CTNNA3: variants seen among roughly 807,000 people sequenced by gnomAD.
CTNNA3 encodes the protein catenin alpha-3.
CTNNA3 carries 76 observed loss-of-function variants against 95.7 expected under a neutral mutation model. The observed-to-expected ratio is 0.79, with a 90% CI of 0.66 to 0.96. The LOEUF is 0.96. Among genes scored for constraint, CTNNA3 ranks in the 40% least tolerant of loss-of-function variants. The pLI is 0.00. For synonymous variants in CTNNA3, 431 were observed against 374.4 expected, an observed-to-expected ratio of 1.15 and a Z score of -1.74; for missense variants, 1,191 against 1,089.8, an observed-to-expected ratio of 1.09 and a Z score of -1.31.
At chr10:66,740,111 TTA>T (rs752543525) in intron 9 of CTNNA3, among the ~76,000 whole-genome samples, 38 of 152,216 alleles carry the variant, frequency 2.5e-4, no homozygotes, top group Non-Finnish European at 4.0e-4. Context: ...CTTTGAGTTA[TTA>T]AACAAGAGCG....
chr10:67,066,089 A>G (rs992026963), intron 7 of CTNNA3, among the ~76,000 whole-genome samples: 1 of 152,024 alleles, frequency 6.6e-6, no homozygotes, highest in Non-Finnish European at 1.5e-5. Flanking sequence ...AGTTCTCTCA[A>G]TCATCTGGGG....
At chr10:66,222,588 A>ACG (rs1554895382) in intron 13 of CTNNA3, among the ~76,000 whole-genome samples, 4 of 127,676 alleles carry the variant, frequency 3.1e-5, no homozygotes, top group East Asian at 2.4e-4. Context: ...GAAGGAAAGA[A>ACG]AAAGAAAGAA....
At chr10:66,592,200 T>A (rs975319205) in intron 10 of CTNNA3, among the ~76,000 whole-genome samples, 2 of 152,048 alleles carry the variant, frequency 1.3e-5, no homozygotes, top group Admixed American at 6.6e-5. Context: ...AGATATCTGG[T>A]TTTTCAACAG....
intron 7 of CTNNA3, among the ~76,000 whole-genome samples, chr10:67,123,930 T>A (rs148426375): frequency 2.6e-5 from 4 of 152,232 alleles, no homozygotes; most frequent in East Asian, 1.9e-4. Context: ...AAAACTAGAA[T>A]CTAGCATCAA....
chr10:66,557,353 A>T (rs970975124), intron 10 of CTNNA3, among the ~76,000 whole-genome samples: 2 of 152,160 alleles, frequency 1.3e-5, no homozygotes, highest in Admixed American at 1.3e-4. Flanking sequence ...AATGACCATT[A>T]TCAATTTCCC....
intron 15 of CTNNA3, among the ~76,000 whole-genome samples, chr10:66,044,422 A>AT (rs71035108): frequency 0.14 from 20,015 of 147,250 alleles, 1,340 homozygotes; most frequent in East Asian, 0.18. Context: ...GTTTATCTTG[A>AT]TTTTTTTTTT....
At chr10:67,064,098 C>T (rs946772828) in intron 7 of CTNNA3, among the ~76,000 whole-genome samples, 1 of 152,082 alleles carries the variant, frequency 6.6e-6, no homozygotes, top group African/African-American at 2.4e-5. Context: ...TCTAGTTAGC[C>T]CTTGAGTCAT....
intron 11 of CTNNA3, among the ~76,000 whole-genome samples, chr10:66,419,196 T>C (rs185233551): frequency 1.8e-4 from 27 of 152,130 alleles, no homozygotes; most frequent in Middle Eastern, 3.4e-3. Context: ...AAAATCAACA[T>C]TTTTTTAAAG....
chr10:67,234,648 G>A (rs1441402514), intron 5 of CTNNA3, among the ~76,000 whole-genome samples: 1 of 151,666 alleles, frequency 6.6e-6, no homozygotes, highest in East Asian at 1.9e-4. Flanking sequence ...ACATAGTGTT[G>A]GAAGTTCTGG....
At chr10:66,215,573 C>T (rs1199173465) in intron 13 of CTNNA3, among the ~76,000 whole-genome samples, 1 of 152,112 alleles carries the variant, frequency 6.6e-6, no homozygotes, top group Non-Finnish European at 1.5e-5. Context: ...AGTGTCATTA[C>T]TCAAAATTTA....
chr10:66,773,686 T>C (rs1293433505), intron 8 of CTNNA3, among the ~76,000 whole-genome samples: 1 of 152,210 alleles, frequency 6.6e-6, no homozygotes, highest in Non-Finnish European at 1.5e-5. Context: ...TGTTAAACAC[T>C]GATAGAAAAT....
chr10:66,214,216 A>G lies in CTNNA3; in HGVS notation c.1884+66254T>C, dbSNP rs537687775. 5.3e-5 allele frequency among the ~76,000 whole-genome samples: 8 copies of G among 152,304 alleles called. No individual in the cohort carries two copies. The South Asian group carries it at 1.5e-3, about 28-fold the overall frequency. On this transcript the variant is annotated intron_variant, in intron 13 of 17. Coordinates refer to ENST00000433211, the MANE Select transcript of CTNNA3 (RefSeq NM_013266.4). ...TACCCTTCCCTGCTAAACAAAGGAA[A>G]AGGTGCCCATTGAAATCTGCAGCAT...
chr10:66,269,772 A>G (rs982609443), intron 13 of CTNNA3, among the ~76,000 whole-genome samples: 3 of 152,144 alleles, frequency 2.0e-5, no homozygotes, highest in Non-Finnish European at 2.9e-5. Context: ...CCACTAATAC[A>G]TACACTAAGA....
At chr10:66,668,424 G>A (rs7905956) in intron 9 of CTNNA3, among the ~76,000 whole-genome samples, 999 of 39,558 alleles carry the variant, frequency 0.025, 7 homozygotes, top group African/African-American at 0.14. Flanking sequence ...ACTCTCATAT[G>A]TGTGTGTGTG....
At chr10:67,738,209 T>C (rs894566017) in intron 1 of CTNNA3, among the ~76,000 whole-genome samples, 1 of 152,124 alleles carries the variant, frequency 6.6e-6, no homozygotes, top group South Asian at 2.1e-4. Flanking sequence ...GGTGTCCCTC[T>C]GGGACAAAGC....
At chr10:67,254,822 TA>T (rs1252271398) in intron 5 of CTNNA3, among the ~76,000 whole-genome samples, 3 of 152,214 alleles carry the variant, frequency 2.0e-5, no homozygotes, top group Non-Finnish European at 4.4e-5. Context: ...GGTAGTAGGC[TA>T]TACCTTCTAG....
At chr10:65,985,209 A>G (rs2078404105) in intron 16 of CTNNA3, among the ~76,000 whole-genome samples, 1 of 151,160 alleles carries the variant, frequency 6.6e-6, no homozygotes. Flanking sequence ...AAGAAGCCCA[A>G]AAACCTTTCC....
chr10:66,573,286 T>G (rs1340795727), intron 10 of CTNNA3, among the ~76,000 whole-genome samples: 1 of 152,154 alleles, frequency 6.6e-6, no homozygotes, highest in African/African-American at 2.4e-5. Flanking sequence ...TGAAAAATTC[T>G]AATGATATGC....
chr10:66,498,317 C>T (rs542326350), intron 11 of CTNNA3, among the ~76,000 whole-genome samples: 3 of 152,138 alleles, frequency 2.0e-5, no homozygotes, highest in South Asian at 2.1e-4. Flanking sequence ...ACTTCTTACA[C>T]GTGGGTCACT....
Sources: gnomAD v4.1 joint callset for allele counts (sites outside exome capture counted in the v4.1 genomes callset) on GRCh38, gnomAD v4.1.1 for gene constraint, MANE v1.5 for transcripts, NCBI Gene and HGNC (gene_info 2026-07-23, HGNC 2026-07-21) for gene names.